The following POSTN variants were observed in gnomAD, a reference collection of about 807,000 sequenced individuals.
The protein encoded by POSTN is osteoblast specific factor 2 (fasciclin I-like).
POSTN carries 71 observed loss-of-function variants against 104.5 expected under a neutral mutation model. The observed-to-expected ratio is 0.68, with a 90% CI of 0.56 to 0.83. The LOEUF is 0.83. POSTN is among the 40% of genes least tolerant of loss of function. The pLI is 0.00. For missense variants in POSTN, 949 were observed against 1,006.8 expected, an observed-to-expected ratio of 0.94 and a Z score of 0.78; for synonymous variants, 355 against 340.7, an observed-to-expected ratio of 1.04 and a Z score of -0.46.
intron 22 of POSTN, among the ~76,000 whole-genome samples, chr13:37,564,074 G>A (rs1030560284): frequency 2.7e-5 from 4 of 149,466 alleles, no homozygotes; most frequent in African/African-American, 4.9e-5. Context: ...AAGGATTCAG[G>A]TCCACCTGCA....
intron 4 of POSTN, among the ~76,000 whole-genome samples, chr13:37,588,621 T>C (rs1012837481): frequency 1.3e-5 from 2 of 152,170 alleles, no homozygotes; most frequent in Non-Finnish European, 1.5e-5. Flanking sequence ...GGAAGTAGTT[T>C]GGAGATAGAC....
intron 16 of POSTN, among the ~76,000 whole-genome samples, chr13:37,577,103 G>A (rs1950431879): frequency 6.6e-6 from 1 of 152,042 alleles, no homozygotes; most frequent in South Asian, 2.1e-4. Context: ...CAGAGAAAAA[G>A]CCATGATGGA....
rs565717639 is a variant in POSTN at position 37,593,128 on chromosome 13, C to T, written c.219-964G>A. ...AAAGTGGCATCCTGTTTAAAGTTAA[C>T]GAAGTGTGTTAAGTTCTATAGGCAA... On this transcript the variant is annotated intron_variant, in intron 2 of 22. Transcript: ENST00000379747. Among the ~76,000 whole-genome samples the T allele has an allele frequency of 1.6e-4, 24 of 150,922 alleles. No homozygotes were observed. The South Asian group carries it at 3.5e-3, about 22-fold the overall frequency.
intron 12 of POSTN, among the ~76,000 whole-genome samples, chr13:37,579,640 A>C (rs959344176): frequency 6.6e-6 from 1 of 152,224 alleles, no homozygotes; most frequent in Non-Finnish European, 1.5e-5. Context: ...TAGAAACCAC[A>C]TAAGTGAACA....
chr13:37,583,882 CATTTATTGTTTCTT>C, intron 9 of POSTN, 73 bp downstream of exon 9: 1 of 1,488,754 alleles, frequency 6.7e-7, no homozygotes, highest in Non-Finnish European at 9.1e-7. Context: ...CCTCCTAAAA[CATTTATTGTTTCTT>C]ATTGCAAACA....
At chr13:37,579,749 A>G (rs994423112) in intron 12 of POSTN, 112 bp downstream of exon 12, 2 of 1,219,468 alleles carry the variant, frequency 1.6e-6, no homozygotes, top group Non-Finnish European at 2.3e-6. Flanking sequence ...AAAGCTAACC[A>G]TGAATACCAG....
chr13:37,588,319 A>G (rs1950817500), intron 4 of POSTN, among the ~76,000 whole-genome samples: 1 of 152,152 alleles, frequency 6.6e-6, no homozygotes. Context: ...TTTAAATGGC[A>G]AACAAAAGAA....
chr13:37,569,860 A>C (rs1287346134), intron 19 of POSTN, 39 bp from the exon 20 acceptor site: 1 of 1,350,798 alleles, frequency 7.4e-7, no homozygotes, highest in Non-Finnish European at 1.1e-6. Context: ...AAACAGAAGT[A>C]GGCAAACTTC....
Position 37,587,031 on chromosome 13 carries a change from A to G in POSTN, c.607-103T>C. 2 of 959,814 alleles carry G rather than the reference A, an allele frequency of 2.1e-6. 1 individual carries two copies. The highest frequency in any genetic ancestry group is 3.0e-5 in the South Asian group (2 of 66,672). The allele number at this position is 959,814 out of a possible 1,614,324, so 59.5% of individuals were successfully genotyped here. A position where few individuals can be genotyped will look rare whatever the true frequency, so the allele number is the denominator to read the frequency against. ...TTTTTCATTTATACTAGTAAATGTA[A>G]CATACAGGAAACTACATTGTAAATG... On this transcript the variant is annotated intron_variant, in intron 5 of 22. Transcript: ENST00000379747.
At chr13:37,570,812 C>T (rs1400258190) in intron 18 of POSTN, 143 bp from the exon 19 acceptor site, 2 of 598,986 alleles carry the variant, frequency 3.3e-6, no homozygotes, top group African/African-American at 1.9e-5. Context: ...AGAACATATC[C>T]CCCAAAAATC....
chr13:37,586,178 C>T lies in POSTN; in HGVS notation c.856G>A (p.Val286Ile). 2 of 1,613,794 alleles carry T rather than the reference C, an allele frequency of 1.2e-6. No homozygotes were observed. Among genetic ancestry groups the T allele is most frequent in the Non-Finnish European group, 1.7e-6 (2 of 1,179,776 alleles). ...NEAFEKLPRG[V>I]LERIMGDKVA... Reference sequence around the variant, plus strand: ...TTGTCTCCCATGATCCTTTCTAGGACACCTCGTGGAAGTTTCTCAAAAGCC... The same window carrying T: ...TTGTCTCCCATGATCCTTTCTAGGATACCTCGTGGAAGTTTCTCAAAAGCC... The change falls in exon 7 of 23, where the codon GTC becomes ATC. Residue 286 changes from valine (V) to isoleucine (I), a missense_variant. Val to Ile is a conservative substitution (Grantham distance 29, BLOSUM62 3). Coordinates refer to ENST00000379747, the MANE Select transcript of POSTN (RefSeq NM_006475.3).
intron 10 of POSTN, among the ~76,000 whole-genome samples, chr13:37,580,915 T>C (rs575454359): frequency 6.6e-6 from 1 of 152,252 alleles, no homozygotes; most frequent in Admixed American, 6.5e-5. Context: ...TCAAGCTACC[T>C]TATGGATCAG....
chr13:37,594,482 C>G (rs1311309585), intron 2 of POSTN, among the ~76,000 whole-genome samples: 1 of 150,832 alleles, frequency 6.6e-6, no homozygotes. Context: ...TTATGCTACC[C>G]AAAACTCAAT....
Position 37,579,021 on chromosome 13 carries a change from G to C in POSTN, c.1892C>G (p.Ala631Gly). 1 of 1,612,512 alleles carries C rather than the reference G, an allele frequency of 6.2e-7. No homozygotes were observed. The highest frequency in any genetic ancestry group is 8.5e-7 in the Non-Finnish European group (1 of 1,179,358). The change falls in exon 14 of 23, where the codon GCA becomes GGA. Residue 631 changes from alanine (A) to glycine (G), a missense_variant and splice_region_variant. By Grantham distance (60) the Ala-to-Gly change is moderately conservative. Coordinates refer to ENST00000379747, the MANE Select transcript of POSTN (RefSeq NM_006475.3). ...CAATGAGTTCAATAATTACAAACCT[G>C]CTGGATAGAGGAGTTTATCTACAAC... ...IHVVDKLLYP[A>G]DTPVGNDQLL...
At position 37,579,282 on chromosome 13, in the gene POSTN, C is replaced by G; in HGVS notation, c.1738G>C (p.Gly580Arg). The change falls in exon 13 of 23, where the codon GGT (glycine) becomes CGT (arginine). Residue 580 changes from glycine (G) to arginine (R), a missense_variant. By Grantham distance (125) the Gly-to-Arg change is moderately radical (BLOSUM62 -2). Coordinates refer to ENST00000379747, the MANE Select transcript of POSTN (RefSeq NM_006475.3). ...GVFIGKGFEP[G>R]VTNILKTTQG... ...GTGGTCTTTAAAATGTTAGTAACAC[C>G]AGGTTCAAATCCTTTTCCAATGAAA... 1.2e-6 allele frequency: 2 copies of G among 1,607,960 alleles called. No homozygotes were observed. Among genetic ancestry groups the G allele is most frequent in the South Asian group, 2.2e-5 (2 of 90,956 alleles).
rs1950692556 is a variant in POSTN at position 37,584,657 on chromosome 13, A to T, written c.1108+59T>A. On this transcript the variant is annotated intron_variant, in intron 8 of 22. Transcript: ENST00000379747. ...TCATGGACTTACTCTTTGAGACAGC[A>T]TAATTAGTAAATTACAGTAAGTAAA... is the stretch of plus-strand genomic sequence containing the variant. 8.8e-6 allele frequency: 12 copies of T among 1,359,136 alleles called. No individual in the cohort carries two copies. The Admixed American group carries it at 2.0e-4, about 23-fold the overall frequency. The allele number at this position is 1,359,136 out of a possible 1,614,324, so 84.2% of individuals were successfully genotyped here.
intron 22 of POSTN, among the ~76,000 whole-genome samples, chr13:37,563,818 C>T (rs1254441992): frequency 6.6e-6 from 1 of 151,940 alleles, no homozygotes; most frequent in Non-Finnish European, 1.5e-5. Context: ...TTTACTCTAG[C>T]TTCCACAAGG....
intron 17 of POSTN, among the ~76,000 whole-genome samples, chr13:37,572,059 T>TA (rs1950276219): frequency 6.6e-6 from 1 of 151,666 alleles, no homozygotes; most frequent in Admixed American, 6.6e-5. Context: ...AGTTAATAGT[T>TA]AAACAGTCCT....
chr13:37,563,463 CATT>C, intron 22 of POSTN, 93 bp from the exon 23 acceptor site: 2 of 663,718 alleles, frequency 3.0e-6, no homozygotes, highest in Non-Finnish European at 4.5e-6. Flanking sequence ...TATCAGAGGC[CATT>C]ATTTTTTGTA....
Sources: gnomAD v4.1 joint callset for allele counts (sites outside exome capture counted in the v4.1 genomes callset) on GRCh38, gnomAD v4.1.1 for gene constraint, MANE v1.5 for transcripts, NCBI Gene and HGNC (gene_info 2026-07-23, HGNC 2026-07-21) for gene names.